The following CDH13 variants were observed in gnomAD, a reference collection of about 807,000 sequenced individuals.
The protein encoded by CDH13 is cadherin 13, also known as cadherin-13.
A neutral mutation model predicts 63.8 loss-of-function variants in CDH13; 24 were observed. The ratio of observed to expected loss-of-function variants is 0.38; its 90% CI spans 0.27 to 0.53. CDH13 has a LOEUF of 0.53. Ranked by LOEUF, CDH13 falls within the 20% of genes least tolerant of loss-of-function variation. CDH13 has a pLI of 0.85. For missense variants in CDH13, 1,049 were observed against 903.1 expected, an observed-to-expected ratio of 1.16 and a Z score of -2.07; for synonymous variants, 503 against 355.3, an observed-to-expected ratio of 1.42 and a Z score of -4.67.
rs562426033 is a variant in CDH13, at chr16:83,518,567, G to C, written c.960+31912G>C. Among the ~76,000 whole-genome samples the C allele has an allele frequency of 7.0e-4, 106 of 151,246 alleles. 1 individual carries two copies. Among genetic ancestry groups the C allele is most frequent in the African/African-American group, 2.3e-3 (96 of 41,156 alleles). On this transcript the variant is annotated intron_variant, in intron 7 of 13. Transcript: ENST00000567109. Reference sequence around the variant, plus strand: ...GGCTCACTGCAAGCTCCGCCTCCCGGGTTCACGGCATTCTCCTGCCTCAGC... The same window carrying C: ...GGCTCACTGCAAGCTCCGCCTCCCGCGTTCACGGCATTCTCCTGCCTCAGC...
At chr16:83,246,158 C>A (rs1192161674) in intron 5 of CDH13, among the ~76,000 whole-genome samples, 1 of 152,272 alleles carries the variant, frequency 6.6e-6, no homozygotes, top group South Asian at 2.1e-4. Flanking sequence ...ACTAGAATTT[C>A]TTTATTCTGC....
At chr16:83,510,189 A>G (rs2074523883) in intron 7 of CDH13, among the ~76,000 whole-genome samples, 1 of 152,196 alleles carries the variant, frequency 6.6e-6, no homozygotes, top group Non-Finnish European at 1.5e-5. Flanking sequence ...CAGGGATATT[A>G]TTTTCGAGTG....
intron 5 of CDH13, among the ~76,000 whole-genome samples, chr16:83,328,112 G>C: frequency 7.4e-6 from 1 of 134,854 alleles, no homozygotes; most frequent in Non-Finnish European, 1.6e-5. Context: ...CAGCCCAGGA[G>C]ACAGTATTGT....
intron 6 of CDH13, among the ~76,000 whole-genome samples, chr16:83,478,102 G>A (rs981867836): frequency 1.3e-5 from 2 of 151,176 alleles, no homozygotes; most frequent in African/African-American, 4.9e-5. Flanking sequence ...GGAGCTTGCA[G>A]TGAGCCGAGA....
At chr16:83,144,199 C>T (rs2036651192) in intron 4 of CDH13, among the ~76,000 whole-genome samples, 1 of 152,136 alleles carries the variant, frequency 6.6e-6, no homozygotes, top group African/African-American at 2.4e-5. Flanking sequence ...GTAAGTGATT[C>T]TGAAGGTTTC....
chr16:83,784,985 G>A lies in CDH13; in HGVS notation c.2134+1513G>A, dbSNP rs987346842. ...AATAGAAATCAAGAGGCCACCCCTC[G>A]GAGGCTTCTCCTGAGTCTTTTCTGT... On this transcript the variant is annotated intron_variant, in intron 13 of 13. Coordinates refer to ENST00000567109, the MANE Select transcript of CDH13 (RefSeq NM_001257.5). Among the ~76,000 whole-genome samples the A allele has an allele frequency of 3.9e-5, 6 of 152,214 alleles. No individual in the cohort carries two copies. The South Asian group carries it at 6.2e-4, about 16-fold the overall frequency.
chr16:83,323,693 C>T (rs1346117730), intron 5 of CDH13, among the ~76,000 whole-genome samples: 2 of 152,164 alleles, frequency 1.3e-5, no homozygotes, highest in African/African-American at 2.4e-5. Context: ...TCTGAATAAG[C>T]AGTTTTCTTC....
chr16:83,118,431 G>T (rs2035411892), intron 3 of CDH13, among the ~76,000 whole-genome samples: 1 of 152,200 alleles, frequency 6.6e-6, no homozygotes, highest in South Asian at 2.1e-4. Context: ...ATAAGTGTGT[G>T]CATTTGATGT....
chr16:83,385,369 G>A (rs889712), intron 6 of CDH13, among the ~76,000 whole-genome samples: 59,807 of 152,048 alleles, frequency 0.39, 11,902 homozygotes, highest in South Asian at 0.48. Flanking sequence ...TCCCAGCAGA[G>A]TAGCTTCCAG....
At chr16:83,261,099 G>A (rs1370186410) in intron 5 of CDH13, among the ~76,000 whole-genome samples, 1 of 152,132 alleles carries the variant, frequency 6.6e-6, no homozygotes, top group East Asian at 1.9e-4. Flanking sequence ...CCACTCCTCA[G>A]CCAAGGAGAA....
intron 6 of CDH13, among the ~76,000 whole-genome samples, chr16:83,390,161 T>G (rs2091758473): frequency 1.3e-5 from 2 of 152,082 alleles, no homozygotes; most frequent in Non-Finnish European, 2.9e-5. Context: ...ACCCTGAGTT[T>G]GGAGCTGAGG....
intron 3 of CDH13, among the ~76,000 whole-genome samples, chr16:83,085,034 T>C (rs531024837): frequency 6.6e-6 from 1 of 152,328 alleles, no homozygotes; most frequent in African/African-American, 2.4e-5. Flanking sequence ...GCATCCTTAA[T>C]TGTCTGGCTT....
intron 6 of CDH13, among the ~76,000 whole-genome samples, chr16:83,388,972 C>G (rs2091732326): frequency 6.6e-6 from 1 of 152,126 alleles, no homozygotes; most frequent in African/African-American, 2.4e-5. Context: ...ATAGGAATGA[C>G]CAGGGCGCTT....
intron 1 of CDH13, among the ~76,000 whole-genome samples, chr16:82,754,050 A>G (rs2034522175): frequency 6.6e-6 from 1 of 152,218 alleles, no homozygotes; most frequent in Non-Finnish European, 1.5e-5. Flanking sequence ...TCTGGAATGA[A>G]AAGTACAAAG....
chr16:83,384,134 C>T (rs2091625523), intron 6 of CDH13, among the ~76,000 whole-genome samples: 1 of 152,160 alleles, frequency 6.6e-6, no homozygotes, highest in African/African-American at 2.4e-5. Flanking sequence ...ATCTCCAATT[C>T]CAATCTAATA....
At chr16:83,026,493 T>G (rs531676727) in intron 2 of CDH13, among the ~76,000 whole-genome samples, 1 of 152,048 alleles carries the variant, frequency 6.6e-6, no homozygotes, top group South Asian at 2.1e-4. Context: ...GGTTCGAGGG[T>G]GGGGGGACAA....
chr16:82,754,879 T>A (rs2034555103), intron 1 of CDH13, among the ~76,000 whole-genome samples: 1 of 152,188 alleles, frequency 6.6e-6, no homozygotes, highest in African/African-American at 2.4e-5. Flanking sequence ...CAAGAGTGCA[T>A]AGAAAGGTAT....
chr16:83,143,758 T>C (rs2036632857), intron 4 of CDH13, among the ~76,000 whole-genome samples: 1 of 152,184 alleles, frequency 6.6e-6, no homozygotes, highest in Non-Finnish European at 1.5e-5. Context: ...TGAGTGCTTT[T>C]TAAACTTCCC....
At chr16:83,501,498 A>G (rs372419558) in intron 7 of CDH13, among the ~76,000 whole-genome samples, 103 of 152,334 alleles carry the variant, frequency 6.8e-4, no homozygotes, top group African/African-American at 2.3e-3. Flanking sequence ...AGAATATCTA[A>G]TAGGTGTGAG....
Sources: gnomAD v4.1 joint callset for allele counts (sites outside exome capture counted in the v4.1 genomes callset) on GRCh38, gnomAD v4.1.1 for gene constraint, MANE v1.5 for transcripts, NCBI Gene and HGNC (gene_info 2026-07-23, HGNC 2026-07-21) for gene names.